The following PPID variants were observed in gnomAD, a reference collection of about 807,000 sequenced individuals.
The protein encoded by PPID is peptidyl-prolyl cis-trans isomerase D.
Under a neutral mutation model 48.1 loss-of-function variants are expected in PPID, and 47 were observed. That is an observed-to-expected ratio of 0.98 (90% CI 0.77 to 1.25). The LOEUF is 1.25. PPID is among the 50% of genes most tolerant of loss of function. The pLI is 0.00. For synonymous variants in PPID, 163 were observed against 148.8 expected (o/e 1.10, Z -0.69); for missense variants, 429 against 443.5 (o/e 0.97, Z 0.29).
At position 158,717,145 on chromosome 4, in the gene PPID, G is replaced by A. The variant is rs764285658; in HGVS notation, c.389C>T (p.Ser130Phe). The change falls in exon 4 of 10, where the codon TCT becomes TTT. Residue 130 changes from serine (S) to phenylalanine (F), a missense_variant. By Grantham distance (155) the Ser-to-Phe change is radical. Transcript: ENST00000307720. The stretch of plus-strand genomic sequence containing the variant: ...TGGAACTGTTGTGATAAAAAACTGA[G>A]AACCGTTTGTGTTGCGGCCTGCATT... ...MANAGRNTNG[S>F]QFFITTVPTP... The A allele has an allele frequency of 3.7e-6, 6 of 1,614,122 alleles. No homozygotes were observed. Among genetic ancestry groups the A allele is most frequent in the Non-Finnish European group, 5.1e-6 (6 of 1,180,012 alleles).
chr4:158,712,574 T>C (rs926613356), intron 7 of PPID, among the ~76,000 whole-genome samples: 8 of 152,190 alleles, frequency 5.3e-5, no homozygotes, highest in African/African-American at 1.4e-4. Context: ...CTGGCCAACA[T>C]GGTGAAACCC....
intron 9 of PPID, chr4:158,710,087 T>C (rs1397874046): frequency 6.5e-6 from 3 of 463,450 alleles, no homozygotes; most frequent in Non-Finnish European, 1.2e-5. Flanking sequence ...CTTGTTTCAT[T>C]TTAGTAATAA....
Position 158,712,972 on chromosome 4 carries a change from G to A in PPID, c.894+147C>T, listed in dbSNP as rs1774813563. 1.3e-5 allele frequency: 10 copies of A among 780,672 alleles called. No individual in the cohort carries two copies. The South Asian group carries it at 1.8e-4, about 14-fold the overall frequency. The allele number at this position is 780,672 out of a possible 1,614,324, so 48.4% of individuals were successfully genotyped here. ...AAAATGAATGTAGAGAAAGAACTGA[G>A]GGTCCAAAATATTTAGAAACAAAAT... On this transcript the variant is annotated intron_variant, in intron 7 of 9. Transcript: ENST00000307720.
At chr4:158,718,892 A>C (rs1312232629) in intron 3 of PPID, among the ~76,000 whole-genome samples, 1 of 152,224 alleles carries the variant, frequency 6.6e-6, no homozygotes, top group African/African-American at 2.4e-5. Context: ...CCAACAATGG[A>C]AACATTTTTC....
At chr4:158,719,782 A>G (rs1774928288) in intron 2 of PPID, among the ~76,000 whole-genome samples, 1 of 152,172 alleles carries the variant, frequency 6.6e-6, no homozygotes, top group South Asian at 2.1e-4. Context: ...CTAATGGAAA[A>G]TTTTCAGCAA....
At chr4:158,718,703 T>C (rs1774909192) in intron 3 of PPID, among the ~76,000 whole-genome samples, 1 of 152,202 alleles carries the variant, frequency 6.6e-6, no homozygotes, top group African/African-American at 2.4e-5. Context: ...TGATGCAATA[T>C]ACCCCAATTA....
rs904584131 is a variant in PPID, at chr4:158,720,903, A to G, written c.226+440T>C. On this transcript the variant is annotated intron_variant, in intron 2 of 9. Transcript: ENST00000307720. Reference sequence around the variant, plus strand: ...CTTATTTTTTGTATTTTTAGTAGAGACGGGGTTTCACCGCGTTAGCCAAGA... The same window carrying G: ...CTTATTTTTTGTATTTTTAGTAGAGGCGGGGTTTCACCGCGTTAGCCAAGA... 9.2e-5 allele frequency among the ~76,000 whole-genome samples: 14 copies of G among 151,710 alleles called. No homozygotes were observed. The East Asian group carries it at 1.2e-3, about 13-fold the overall frequency.
At chr4:158,721,136 G>A (rs528649385) in intron 2 of PPID, among the ~76,000 whole-genome samples, 10 of 152,318 alleles carry the variant, frequency 6.6e-5, no homozygotes, top group Non-Finnish European at 1.3e-4. Context: ...AGCTAGGGGA[G>A]TCCATTTCTC....
intron 2 of PPID, 32 bp downstream of exon 2, chr4:158,721,308 TGAA>T (rs773108644): frequency 1.2e-6 from 2 of 1,604,282 alleles, no homozygotes; most frequent in Non-Finnish European, 8.5e-7. Context: ...CTTGTCTGTA[TGAA>T]GAATAACAAG....
intron 6 of PPID, among the ~76,000 whole-genome samples, chr4:158,713,509 A>G (rs550109276): frequency 6.6e-6 from 1 of 152,316 alleles, no homozygotes; most frequent in African/African-American, 2.4e-5. Flanking sequence ...ACACTTTTCT[A>G]TTTTTAAAAC....
rs1774860859 is a variant in PPID, at chr4:158,715,686, T to A, written c.523-2A>T. 2 of 1,607,228 alleles carry A rather than the reference T, an allele frequency of 1.2e-6. No homozygotes were observed. The highest frequency in any genetic ancestry group is 4.5e-5 in the East Asian group (2 of 44,838). On this transcript the variant is annotated splice_acceptor_variant, in intron 4 of 9. Coordinates refer to ENST00000307720, the MANE Select transcript of PPID (RefSeq NM_005038.3). LOFTEE classifies it high-confidence loss of function. ...TCCACATTCTGCAATAACGCACAAC[T>A]GTAAAAATAACCCTAAATTGTAGAA... is the stretch of plus-strand genomic sequence containing the variant.
At chr4:158,710,582 A>T (rs770750870) in intron 9 of PPID, 46 bp downstream of exon 9, 1 of 1,578,012 alleles carries the variant, frequency 6.3e-7, no homozygotes, top group African/African-American at 1.3e-5. Flanking sequence ...GAGGATAAGT[A>T]TTTAAATAAC....
rs73858527 is a variant in PPID, at chr4:158,717,688, T to C, written c.334-488A>G. Among the ~76,000 whole-genome samples the C allele has an allele frequency of 3.8e-3, 575 of 152,224 alleles. 1 individual carries two copies. Among genetic ancestry groups the C allele is most frequent in the African/African-American group, 0.013 (538 of 41,548 alleles). On this transcript the variant is annotated intron_variant, in intron 3 of 9. Transcript: ENST00000307720. The stretch of plus-strand genomic sequence containing the variant: ...ACAAAACATCAATAAACTGGAACAA[T>C]AATGGGATACTGAATTTACCCAAGA...
chr4:158,711,753 C>T (rs1432959790), intron 7 of PPID, among the ~76,000 whole-genome samples: 1 of 151,910 alleles, frequency 6.6e-6, no homozygotes, highest in Non-Finnish European at 1.5e-5. Flanking sequence ...ACAGCTTGAG[C>T]CCAGGAGTTA....
chr4:158,713,054 T>C, intron 7 of PPID, 65 bp downstream of exon 7: 1 of 1,514,938 alleles, frequency 6.6e-7, no homozygotes, highest in Non-Finnish European at 9.2e-7. Context: ...TATATAAAAG[T>C]TGCTACTATT....
At chr4:158,716,560 A>T (rs1243037214) in intron 4 of PPID, among the ~76,000 whole-genome samples, 2 of 54,760 alleles carry the variant, frequency 3.7e-5, no homozygotes, top group East Asian at 3.2e-4. Flanking sequence ...TAGAAAAGTT[A>T]AAAAAAAAAA....
chr4:158,710,582 A>G (rs770750870), intron 9 of PPID, 46 bp downstream of exon 9: 2 of 1,578,012 alleles, frequency 1.3e-6, no homozygotes, highest in Non-Finnish European at 1.7e-6. Flanking sequence ...GAGGATAAGT[A>G]TTTAAATAAC....
intron 7 of PPID, among the ~76,000 whole-genome samples, chr4:158,711,081 G>A (rs1219922782): frequency 6.6e-6 from 1 of 152,104 alleles, no homozygotes; most frequent in Non-Finnish European, 1.5e-5. Flanking sequence ...CCCCACTGTG[G>A]TTTCAATCTC....
rs1774770281 is a variant in PPID at position 158,710,472 on chromosome 4, C to G, written c.1024+156G>C. The stretch of plus-strand genomic sequence containing the variant: ...CTTTGAGGGCAGGGACTTTGACTGT[C>G]TTGTTCATTGCTATATGATAATGCC... On this transcript the variant is annotated intron_variant, in intron 9 of 9. Transcript: ENST00000307720. The G allele has an allele frequency of 6.8e-6, 5 of 735,398 alleles. No homozygotes were observed. In the South Asian group the frequency reaches 8.6e-5, roughly 13 times the overall value. The allele number at this position is 735,398 out of a possible 1,614,324, so 45.6% of individuals were successfully genotyped here.
Sources: gnomAD v4.1 joint callset for allele counts (sites outside exome capture counted in the v4.1 genomes callset) on GRCh38, gnomAD v4.1.1 for gene constraint, MANE v1.5 for transcripts, NCBI Gene and HGNC (gene_info 2026-07-23, HGNC 2026-07-21) for gene names.